Variants in GVQW3 observed in about 807,000 individuals in gnomAD.
GVQW3 encodes the protein GVQW motif containing 3.
In GVQW3, 7 loss-of-function variants were observed where a neutral mutation model predicts 12.5. The observed-to-expected ratio is 0.56, with a 90% CI of 0.32 to 1.05. The LOEUF is 1.05. GVQW3 is among the 50% of genes least tolerant of loss of function. The pLI, the probability that GVQW3 is intolerant of heterozygous loss-of-function variation, is 0.04. For missense variants in GVQW3, 188 were observed against 190.8 expected (o/e 0.99, Z 0.09); for synonymous variants, 71 against 67.2 (o/e 1.06, Z -0.28).
intron 1 of GVQW3, among the ~76,000 whole-genome samples, chr11:76,394,477 T>A (rs569405114): frequency 6.6e-6 from 1 of 152,346 alleles, no homozygotes; most frequent in South Asian, 2.1e-4. Context: ...TCACTTAACA[T>A]AATGACCTTC....
In GVQW3 at chr11:76,382,042, G is replaced by A. The variant is rs750035691; in HGVS notation, c.214G>A (p.Asp72Asn). The A allele has an allele frequency of 6.5e-7, 1 of 1,536,574 alleles. No individual in the cohort carries two copies. The highest frequency in any genetic ancestry group is 8.7e-7 in the Non-Finnish European group (1 of 1,146,988). Residue 72 changes from aspartate to asparagine, a missense_variant, in exon 1 of 2, where the codon GAT (aspartate) becomes AAT (asparagine). Physicochemically the swap from Asp to Asn is conservative, Grantham distance 23. Coordinates refer to ENST00000529331, the MANE Select transcript of GVQW3 (RefSeq NM_001347885.2). ...RSGRPVTHRT[D>N]DNIQKVKDLV... is the part of the protein sequence containing the mutation. ...TGGGCGTCCAGTCACCCACCGAACAGATGACAATATCCAGAAGGTCAAGGA... is the reference window on the plus strand; with the variant it reads ...TGGGCGTCCAGTCACCCACCGAACAAATGACAATATCCAGAAGGTCAAGGA...
Position 76,404,976 on chromosome 11 carries a change from C to T in GVQW3, c.*1218C>T, listed in dbSNP as rs1947025460. 6.6e-6 allele frequency: 1 copy of T among 152,184 alleles called. No homozygotes were observed. The highest frequency in any genetic ancestry group is 2.4e-5 in the African/African-American group (1 of 41,422). 9.4% of individuals were successfully genotyped at this position (152,184 alleles called of 1,614,324 possible). A position where few individuals can be genotyped will look rare whatever the true frequency, so the allele number is the denominator to read the frequency against. On this transcript the variant is annotated 3_prime_UTR_variant, in exon 2 of 2. Transcript: ENST00000529331. ...ATTGAGCATTGTTTATGTGTGGACACTTTTTATGCATGTATATTGGAATAT... is the reference window on the plus strand; with the variant it reads ...ATTGAGCATTGTTTATGTGTGGACATTTTTTATGCATGTATATTGGAATAT...
intron 1 of GVQW3, among the ~76,000 whole-genome samples, chr11:76,388,749 A>G (rs1039102154): frequency 6.6e-6 from 1 of 152,032 alleles, no homozygotes; most frequent in African/African-American, 2.4e-5. Flanking sequence ...TTAACTGCAT[A>G]CCTGGAAATA....
At chr11:76,389,336 A>G (rs966898351) in intron 1 of GVQW3, among the ~76,000 whole-genome samples, 1 of 152,224 alleles carries the variant, frequency 6.6e-6, no homozygotes, top group African/African-American at 2.4e-5. Flanking sequence ...ATTACTACTT[A>G]TATTATCAGT....
In GVQW3 at chr11:76,404,757, T is replaced by A. The variant is rs1947023228; in HGVS notation, c.*999T>A. On this transcript the variant is annotated 3_prime_UTR_variant, in exon 2 of 2. Transcript: ENST00000529331. ...TGTCTCAGCAGAGACTGGCATACTC[T>A]CAGGCTTTTCACTTCCTTCCTTAGA... is the stretch of plus-strand genomic sequence containing the variant. The A allele has an allele frequency of 6.6e-6, 1 of 152,350 alleles. No homozygotes were observed. The highest frequency in any genetic ancestry group is 6.5e-5 in the Admixed American group (1 of 15,286). The allele number at this position is 152,350 out of a possible 1,614,324, so 9.4% of individuals were successfully genotyped here. A position where few individuals can be genotyped will look rare whatever the true frequency, so the allele number is the denominator to read the frequency against.
chr11:76,412,579 C>T (rs1638333134), downstream of GVQW3: 1 of 152,262 alleles, frequency 6.6e-6, no homozygotes, highest in Non-Finnish European at 1.5e-5. Context: ...TGCTGTTTCA[C>T]TGTTCTCTTT....
chr11:76,396,500 G>A (rs1046149664), intron 1 of GVQW3, among the ~76,000 whole-genome samples: 34 of 151,974 alleles, frequency 2.2e-4, no homozygotes, highest in African/African-American at 7.7e-4. Flanking sequence ...TTTTTTGTAG[G>A]GATAGAGTTT....
rs1460143132 is a variant in GVQW3 at position 76,382,259 on chromosome 11, A to G, written c.431A>G (p.Glu144Gly). ...GACTTTCGGTCCGATCTTTCAAAGG[A>G]AACTAGGAAAAATAGCTCATGTTTG... is the stretch of plus-strand genomic sequence containing the variant. ...KLDFRSDLSKETRKNSSCLRK... is the reference protein window; with the variant it reads ...KLDFRSDLSKGTRKNSSCLRK... The change falls in exon 1 of 2, where the codon GAA becomes GGA. Residue 144 changes from glutamate (E) to glycine (G), a missense_variant. Glu to Gly is a moderately conservative substitution (Grantham distance 98). Transcript: ENST00000529331. 2 of 1,534,582 alleles carry G rather than the reference A, an allele frequency of 1.3e-6. No individual in the cohort carries two copies. The highest frequency in any genetic ancestry group is 3.9e-5 in the Admixed American group (2 of 50,978).
intron 1 of GVQW3, among the ~76,000 whole-genome samples, chr11:76,390,638 A>T (rs1405537483): frequency 6.6e-6 from 1 of 152,094 alleles, no homozygotes; most frequent in African/African-American, 2.4e-5. Context: ...GATCGAGACC[A>T]CGGTGAAACC....
intron 1 of GVQW3, among the ~76,000 whole-genome samples, chr11:76,394,505 T>C (rs1387819223): frequency 6.6e-6 from 1 of 152,226 alleles, no homozygotes; most frequent in Non-Finnish European, 1.5e-5. Context: ...TCCATGATGT[T>C]GCAAATGACA....
chr11:76,400,614 T>A (rs1349188791), intron 1 of GVQW3, among the ~76,000 whole-genome samples: 1 of 151,658 alleles, frequency 6.6e-6, no homozygotes, highest in Admixed American at 6.6e-5. Flanking sequence ...AGAGCCGGAG[T>A]TTCACCATTT....
downstream of GVQW3, among the ~76,000 whole-genome samples, chr11:76,410,552 T>C (rs1003173155): frequency 9.2e-5 from 14 of 152,134 alleles, no homozygotes; most frequent in African/African-American, 2.9e-4. Context: ...AAAGAATGAA[T>C]GTGTGAATGA....
chr11:76,386,804 T>G (rs906101440), intron 1 of GVQW3, among the ~76,000 whole-genome samples: 2 of 152,198 alleles, frequency 1.3e-5, no homozygotes, highest in African/African-American at 2.4e-5. Context: ...CTACAGTGTC[T>G]CCCTTATCAG....
At chr11:76,384,511 C>T (rs1285861117) in intron 1 of GVQW3, among the ~76,000 whole-genome samples, 2 of 152,078 alleles carry the variant, frequency 1.3e-5, no homozygotes, top group African/African-American at 2.4e-5. Flanking sequence ...TTAGTAGAGG[C>T]GGGGTTTCAC....
At chr11:76,390,292 A>C (rs1157118696) in intron 1 of GVQW3, among the ~76,000 whole-genome samples, 1 of 152,182 alleles carries the variant, frequency 6.6e-6, no homozygotes, top group Non-Finnish European at 1.5e-5. Flanking sequence ...CTTGGGTTTC[A>C]GTTCTGGCTT....
intron 1 of GVQW3, among the ~76,000 whole-genome samples, chr11:76,401,347 A>AT (rs913692667): frequency 1.8e-4 from 27 of 150,578 alleles, no homozygotes; most frequent in African/African-American, 4.9e-4. Flanking sequence ...TCCTCAGGAT[A>AT]TTTTTTTTTC....
intron 1 of GVQW3, 102 bp from the exon 2 acceptor site, chr11:76,403,558 T>C: frequency 2.4e-6 from 1 of 418,254 alleles, no homozygotes; most frequent in Non-Finnish European, 4.2e-6. Flanking sequence ...CAGGCTTGCA[T>C]TCCTGGGCTC....
chr11:76,413,012 TCA>T (rs1441027086), downstream of GVQW3: 2 of 152,222 alleles, frequency 1.3e-5, no homozygotes, highest in Non-Finnish European at 2.9e-5. Flanking sequence ...TTGTATTTTC[TCA>T]GTCTTTCTAT....
chr11:76,394,553 T>G (rs1288965333), intron 1 of GVQW3, among the ~76,000 whole-genome samples: 2 of 152,236 alleles, frequency 1.3e-5, no homozygotes, highest in Non-Finnish European at 2.9e-5. Context: ...AGCACTCCAT[T>G]GTGTATATCT....
Sources: gnomAD v4.1 joint callset for allele counts (sites outside exome capture counted in the v4.1 genomes callset) on GRCh38, gnomAD v4.1.1 for gene constraint, MANE v1.5 for transcripts, NCBI Gene and HGNC (gene_info 2026-07-23, HGNC 2026-07-21) for gene names.